LUZP4: variants seen among roughly 807,000 people sequenced by gnomAD.
LUZP4 encodes the protein leucine zipper protein 4.
LUZP4 carries 11 observed loss-of-function variants against 8.5 expected under a neutral mutation model. The observed-to-expected ratio is 1.30, with a 90% CI of 0.82 to 2.14. The LOEUF is 2.14. LUZP4 is among the 30% of genes most tolerant of loss of function. LUZP4 has a pLI of 0.00. For missense variants in LUZP4, 276 were observed against 229.7 expected, an observed-to-expected ratio of 1.20 and a Z score of -1.30; for synonymous variants, 104 against 79.4, an observed-to-expected ratio of 1.31 and a Z score of -1.65.
At chrX:115,301,298 C>T (rs1395132989) in intron 1 of LUZP4, among the ~76,000 whole-genome samples, 1 of 111,792 alleles carries the variant, frequency 8.9e-6, no homozygotes, top group East Asian at 2.8e-4. Flanking sequence ...GTAGACTCTT[C>T]CATTCTAAAT....
intron 1 of LUZP4, among the ~76,000 whole-genome samples, chrX:115,291,613 G>GA (rs1307802664): frequency 2.7e-5 from 3 of 110,996 alleles, no homozygotes; most frequent in Admixed American, 9.6e-5. Context: ...AGTGGAGGGA[G>GA]AGTGTACCAT....
chrX:115,299,377 G>A (rs1603136129), intron 1 of LUZP4, among the ~76,000 whole-genome samples: 1 of 111,290 alleles, frequency 9.0e-6, no homozygotes, highest in East Asian at 2.8e-4. Context: ...TTTCCTTCAC[G>A]GTGGCAAGGT....
rs782027894 is a variant in LUZP4, at chrX:115,306,574, C to A, written c.712C>A (p.Leu238Ile). The change falls in exon 4 of 4, where the codon CTT becomes ATT. Residue 238 changes from leucine to isoleucine, a missense_variant. By Grantham distance (5) the Leu-to-Ile change is conservative (BLOSUM62 2). Transcript: ENST00000371920. ...AAAGAGATCTCGTAGCCAGGGAGAT[C>A]TTGTGGACACTCAGAGTGATCTCAT... ...HSKRSRSQGD[L>I]VDTQSDLIAT... The A allele has an allele frequency of 3.3e-6, 4 of 1,207,980 alleles. No individual in the cohort carries two copies. The highest frequency in any genetic ancestry group is 4.4e-5 in the Admixed American group (2 of 45,637).
At position 115,306,384 on chromosome X, in the gene LUZP4, C is replaced by T; in HGVS notation, c.522C>T (p.Asp174=). The change falls in exon 4 of 4, where the codon GAC becomes GAT. Residue 174 remains aspartate, a synonymous_variant. Transcript: ENST00000371920. ...NHLERSLSQS[D]RSQGQLKRHH... ...TAGAGAGATCTCTTTCTCAGTCAGA[C>T]AGATCTCAAGGGCAGCTAAAGAGAC... 1 of 1,210,818 alleles carries T rather than the reference C, an allele frequency of 8.3e-7. No homozygotes were observed. The highest frequency in any genetic ancestry group is 1.1e-6 in the Non-Finnish European group (1 of 894,846).
intron 1 of LUZP4, among the ~76,000 whole-genome samples, chrX:115,297,995 G>A (rs2073378496): frequency 9.2e-6 from 1 of 108,403 alleles, no homozygotes; most frequent in South Asian, 4.4e-4. Flanking sequence ...TGTATTTTTA[G>A]TAGAGACGGG....
Position 115,306,402 on chromosome X carries a change from A to G in LUZP4, c.540A>G (p.Leu180=). The change falls in exon 4 of 4, where the codon CTA becomes CTG. Residue 180 remains leucine, a synonymous_variant. Transcript: ENST00000371920. ...LSQSDRSQGQ[L]KRHHPQYERS... is the part of the protein sequence containing the mutation. ...AGTCAGACAGATCTCAAGGGCAGCT[A>G]AAGAGACATCATCCCCAATATGAGA... 8.3e-7 allele frequency: 1 copy of G among 1,211,674 alleles called. No homozygotes were observed. The highest frequency in any genetic ancestry group is 1.1e-6 in the Non-Finnish European group (1 of 895,395).
chrX:115,303,486 A>C, intron 3 of LUZP4, 68 bp downstream of exon 3: 1 of 528,755 alleles, frequency 1.9e-6, no homozygotes, highest in Non-Finnish European at 2.9e-6. Context: ...AATATTAATG[A>C]TTTACTTTAA....
At position 115,306,452 on chromosome X, in the gene LUZP4, C is replaced by T; in HGVS notation, c.590C>T (p.Ser197Phe). 1 of 1,211,262 alleles carries T rather than the reference C, an allele frequency of 8.3e-7. No individual in the cohort carries two copies. The highest frequency in any genetic ancestry group is 1.1e-6 in the Non-Finnish European group (1 of 895,361). The part of the protein sequence containing the change: ...YERSHGQYKR[S>F]HGQSERSHGH... ...AGATCTCATGGCCAATACAAGAGAT[C>T]TCATGGTCAATCTGAGAGATCTCAT... Residue 197 changes from serine to phenylalanine, a missense_variant, in exon 4 of 4, where the codon TCT (serine) becomes TTT (phenylalanine). Ser to Phe is a radical substitution (Grantham distance 155). Coordinates refer to ENST00000371920, the MANE Select transcript of LUZP4 (RefSeq NM_016383.5).
At chrX:115,295,850 T>TA (rs2073368517) in intron 1 of LUZP4, among the ~76,000 whole-genome samples, 1 of 112,198 alleles carries the variant, frequency 8.9e-6, no homozygotes, top group Admixed American at 9.5e-5. Flanking sequence ...TTCTGCCTGC[T>TA]AGATATGTTG....
At chrX:115,290,165 T>C (rs1212935799) in intron 1 of LUZP4, among the ~76,000 whole-genome samples, 1 of 111,055 alleles carries the variant, frequency 9.0e-6, no homozygotes, top group Non-Finnish European at 1.9e-5. Context: ...AGACCGCTAT[T>C]AACGTGTATT....
At position 115,304,393 on chromosome X, in the gene LUZP4, AT is replaced by A. The variant is rs1224522702; in HGVS notation, c.342+982del. Among the ~76,000 whole-genome samples, 32 of 112,191 alleles carry A rather than the reference AT, an allele frequency of 2.9e-4. No individual in the cohort carries two copies. In the Middle Eastern group the frequency reaches 0.014, roughly 48 times the overall value. On this transcript the variant is annotated intron_variant, in intron 3 of 3. Transcript: ENST00000371920. Reference sequence around the variant, plus strand: ...GATCTGTGCCTTATAGGATGAGGGGATTTTTTTATACAGTTTGGGAAGAAGA... The same window carrying A: ...GATCTGTGCCTTATAGGATGAGGGGATTTTTTATACAGTTTGGGAAGAAGA...
chrX:115,301,574 A>G (rs2073397542), intron 1 of LUZP4, among the ~76,000 whole-genome samples: 1 of 112,192 alleles, frequency 8.9e-6, no homozygotes, highest in African/African-American at 3.2e-5. Flanking sequence ...ACATTTAATC[A>G]GATAGACATT....
chrX:115,296,209 C>T (rs1393484712), intron 1 of LUZP4, among the ~76,000 whole-genome samples: 3 of 111,929 alleles, frequency 2.7e-5, no homozygotes, highest in Non-Finnish European at 3.8e-5. Flanking sequence ...GTATACTTTT[C>T]ACAAGAAAAT....
At position 115,306,969 on chromosome X, in the gene LUZP4, C is replaced by T; in HGVS notation, c.*165C>T. ...CAATATTGTTTCAACTTGATGTCCT[C>T]TAAGCTATCATCCAGTTACCCAGGA... On this transcript the variant is annotated 3_prime_UTR_variant, in exon 4 of 4. Coordinates refer to ENST00000371920, the MANE Select transcript of LUZP4 (RefSeq NM_016383.5). 2.0e-6 allele frequency: 1 copy of T among 511,443 alleles called. No homozygotes were observed. The highest frequency in any genetic ancestry group is 3.4e-5 in the South Asian group (1 of 29,812). The allele number at this position is 511,443 out of a possible 1,213,427, so 42.1% of individuals were successfully genotyped here. A position where few individuals can be genotyped will look rare whatever the true frequency, so the allele number is the denominator to read the frequency against.
chrX:115,304,719 T>C (rs2073412678), intron 3 of LUZP4, among the ~76,000 whole-genome samples: 1 of 109,285 alleles, frequency 9.2e-6, no homozygotes, highest in Admixed American at 9.9e-5. Flanking sequence ...TCTCGCTATG[T>C]TGCCCAGGGT....
intron 1 of LUZP4, among the ~76,000 whole-genome samples, chrX:115,296,960 T>A (rs1481164656): frequency 9.0e-6 from 1 of 111,696 alleles, no homozygotes; most frequent in African/African-American, 3.3e-5. Flanking sequence ...ATTTGTAATT[T>A]TTGTGGGTAT....
intron 1 of LUZP4, among the ~76,000 whole-genome samples, chrX:115,295,276 G>T (rs1040879247): frequency 2.6e-4 from 29 of 110,851 alleles, no homozygotes; most frequent in Non-Finnish European, 1.1e-4. Flanking sequence ...ACGGAGTTTC[G>T]CCATGTTGCC....
At chrX:115,290,846 C>T (rs1217440411) in intron 1 of LUZP4, among the ~76,000 whole-genome samples, 1 of 111,745 alleles carries the variant, frequency 8.9e-6, no homozygotes, top group Non-Finnish European at 1.9e-5. Context: ...GCAGTGGCAT[C>T]ATCTTGGCTC....
At chrX:115,290,291 CA>C (rs2073343203) in intron 1 of LUZP4, among the ~76,000 whole-genome samples, 1 of 111,693 alleles carries the variant, frequency 9.0e-6, no homozygotes, top group South Asian at 3.8e-4. Context: ...CCCGGAGGAG[CA>C]AGCCTTAGGC....
Sources: allele counts gnomAD v4.1 joint callset (sites outside exome capture counted in the v4.1 genomes callset), GRCh38; gene constraint gnomAD v4.1.1; transcripts MANE v1.5; gene names NCBI Gene and HGNC (gene_info 2026-07-23, HGNC 2026-07-21).